RFWD3: variants seen among roughly 807,000 people sequenced by gnomAD.
The protein encoded by RFWD3 is E3 ubiquitin-protein ligase RFWD3.
A neutral mutation model predicts 87.7 loss-of-function variants in RFWD3; 65 were observed. That is an observed-to-expected ratio of 0.74 (90% CI 0.61 to 0.91). The LOEUF is 0.91. Ranked by LOEUF, RFWD3 falls within the 40% of genes least tolerant of loss-of-function variation. The pLI is 0.00. For missense variants in RFWD3, 1,078 were observed against 938.5 expected (o/e 1.15, Z -1.94); for synonymous variants, 433 against 352.8 (o/e 1.23, Z -2.55).
chr16:74,657,333 T>A (rs1961066362), intron 2 of RFWD3, among the ~76,000 whole-genome samples: 1 of 152,164 alleles, frequency 6.6e-6, no homozygotes, highest in Non-Finnish European at 1.5e-5. Flanking sequence ...ACTCCCTGGA[T>A]TGCTATAAGC....
chr16:74,649,295 T>A, intron 3 of RFWD3, 93 bp from the exon 4 acceptor site: 1 of 808,490 alleles, frequency 1.2e-6, no homozygotes, highest in Non-Finnish European at 2.0e-6. Context: ...CCTGACTCAC[T>A]ACAGCTTCCC....
chr16:74,662,363 G>A (rs1002190051), intron 1 of RFWD3, among the ~76,000 whole-genome samples: 3 of 152,006 alleles, frequency 2.0e-5, no homozygotes, highest in East Asian at 1.9e-4. Flanking sequence ...AGGAAATGGG[G>A]GTTCAACTAA....
At chr16:74,634,895 ACTTTCGGAGG>A (rs1959181060) in intron 8 of RFWD3, among the ~76,000 whole-genome samples, 1 of 152,014 alleles carries the variant, frequency 6.6e-6, no homozygotes, top group Non-Finnish European at 1.5e-5. Context: ...TAATCCCAGT[ACTTTCGGAGG>A]CTGAGATGGG....
intron 2 of RFWD3, among the ~76,000 whole-genome samples, chr16:74,659,233 T>G (rs942369497): frequency 6.6e-6 from 1 of 152,110 alleles, no homozygotes; most frequent in African/African-American, 2.4e-5. Flanking sequence ...AATGAGTGCA[T>G]GGATAAGCAA....
At chr16:74,636,302 G>C (rs1567571620) in intron 8 of RFWD3, 44 bp downstream of exon 8, 1 of 1,519,356 alleles carries the variant, frequency 6.6e-7, no homozygotes, top group East Asian at 2.3e-5. Context: ...TAAATATATG[G>C]AGTCTAATAA....
intron 10 of RFWD3, among the ~76,000 whole-genome samples, 156 bp downstream of exon 10, chr16:74,630,614 TCTTATTAATAA>T (rs1256406140): frequency 1.3e-5 from 2 of 152,198 alleles, no homozygotes; most frequent in African/African-American, 4.8e-5. Context: ...GAATACAAAC[TCTTATTAATAA>T]GAATGTTATT....
At chr16:74,654,224 A>T (rs1960792658) in intron 2 of RFWD3, among the ~76,000 whole-genome samples, 1 of 152,154 alleles carries the variant, frequency 6.6e-6, no homozygotes, top group African/African-American at 2.4e-5. Context: ...TGGTCTAGCT[A>T]AAAGTCTGTC....
chr16:74,647,359 C>T (rs1215383207), intron 4 of RFWD3, among the ~76,000 whole-genome samples: 2 of 152,014 alleles, frequency 1.3e-5, no homozygotes, highest in African/African-American at 4.8e-5. Flanking sequence ...ACAATCTCGG[C>T]TCACCACAAC....
intron 1 of RFWD3, chr16:74,665,131 G>C (rs929304977): frequency 2.0e-5 from 3 of 152,354 alleles, no homozygotes; most frequent in Non-Finnish European, 4.4e-5. Flanking sequence ...AGGTTGAGAA[G>C]AGGTGGGCGG....
At chr16:74,662,009 T>C (rs1961480753) in intron 1 of RFWD3, among the ~76,000 whole-genome samples, 1 of 151,630 alleles carries the variant, frequency 6.6e-6, no homozygotes, top group Admixed American at 6.6e-5. Context: ...TCATTATTTT[T>C]GTTTTCCATC....
chr16:74,645,740 ATTTTC>A (rs1960072675), intron 4 of RFWD3, among the ~76,000 whole-genome samples: 1 of 104,588 alleles, frequency 9.6e-6, no homozygotes, highest in East Asian at 2.8e-4. Flanking sequence ...AGTCACAAAT[ATTTTC>A]TTTTTTTTTT....
intron 8 of RFWD3, among the ~76,000 whole-genome samples, chr16:74,635,190 T>G (rs919177156): frequency 1.3e-5 from 2 of 151,392 alleles, no homozygotes; most frequent in Non-Finnish European, 1.5e-5. Context: ...TGAGGCAGAA[T>G]GGCATGAACC....
intron 1 of RFWD3, among the ~76,000 whole-genome samples, chr16:74,665,565 G>A (rs916148615): frequency 4.0e-5 from 6 of 151,386 alleles, no homozygotes; most frequent in African/African-American, 1.5e-4. Flanking sequence ...GCAACAAAGC[G>A]AGACTCTATC....
At chr16:74,660,782 C>CAAGCACTTTTATTTCCA (rs1478996325) in intron 2 of RFWD3, 150 bp downstream of exon 2, 1 of 781,980 alleles carries the variant, frequency 1.3e-6, no homozygotes, top group Non-Finnish European at 2.0e-6. Context: ...TGAAGTAAGG[C>CAAGCACTTTTATTTCCA]AAGCACTTTT....
chr16:74,649,750 A>T (rs1960429852), intron 3 of RFWD3, among the ~76,000 whole-genome samples: 1 of 152,196 alleles, frequency 6.6e-6, no homozygotes, highest in Non-Finnish European at 1.5e-5. Flanking sequence ...ATCCAAAAAA[A>T]GTCTCCATAA....
intron 6 of RFWD3, among the ~76,000 whole-genome samples, chr16:74,641,956 C>G (rs1396075231): frequency 8.3e-6 from 1 of 119,772 alleles, no homozygotes; most frequent in South Asian, 2.8e-4. Flanking sequence ...AAAAAAAAAC[C>G]AAAGAAACCA....
In RFWD3 at chr16:74,632,640, A is replaced by C. The variant is rs1959137332; in HGVS notation, c.1460T>G (p.Met487Arg). 1 of 1,614,132 alleles carries C rather than the reference A, an allele frequency of 6.2e-7. No individual in the cohort carries two copies. Among genetic ancestry groups the C allele is most frequent in the East Asian group, 2.2e-5 (1 of 44,872 alleles). ...FGVKMLSTAN[M>R]KSSQYIPMHG... ...CATCGGAATGTACTGACTGCTCTTCATGTTGGCAGTACTCAACATCTTAAC... is the reference window on the plus strand; with the variant it reads ...CATCGGAATGTACTGACTGCTCTTCCTGTTGGCAGTACTCAACATCTTAAC... Residue 487 changes from methionine (M) to arginine (R), a missense_variant, in exon 9 of 13, where the codon ATG (methionine) becomes AGG (arginine). Coordinates refer to ENST00000361070, the MANE Select transcript of RFWD3 (RefSeq NM_018124.4).
At chr16:74,647,482 T>G (rs2144229919) in intron 4 of RFWD3, among the ~76,000 whole-genome samples, 1 of 152,192 alleles carries the variant, frequency 6.6e-6, no homozygotes, top group East Asian at 1.9e-4. Context: ...GAGATGGGGT[T>G]TCACCCTGTT....
chr16:74,628,953 T>C (rs1002994944), intron 10 of RFWD3, among the ~76,000 whole-genome samples: 14 of 152,168 alleles, frequency 9.2e-5, no homozygotes, highest in Admixed American at 1.3e-4. Flanking sequence ...CTATGAAGCT[T>C]GACTGATGTG....
Sources: gnomAD v4.1 joint callset for allele counts (sites outside exome capture counted in the v4.1 genomes callset) on GRCh38, gnomAD v4.1.1 for gene constraint, MANE v1.5 for transcripts, NCBI Gene and HGNC (gene_info 2026-07-23, HGNC 2026-07-21) for gene names.